The following TNIP1 variants were observed in gnomAD, a reference collection of about 807,000 sequenced individuals.
TNIP1 encodes the protein TNFAIP3-interacting protein 1.
Under a neutral mutation model 86.6 loss-of-function variants are expected in TNIP1, and 22 were observed. The observed-to-expected ratio is 0.25, with a 90% CI of 0.18 to 0.36. The LOEUF (loss-of-function observed/expected upper bound fraction) is 0.36, where lower values mean the gene tolerates loss of function less well. TNIP1 is among the 10% of genes least tolerant of loss of function. The probability of loss-of-function intolerance (pLI) is 1.00; values close to 1 mark genes in which losing one functional copy is unlikely to be tolerated. For missense variants in TNIP1, 709 were observed against 820.6 expected (o/e 0.86, Z 1.66); for synonymous variants, 294 against 313.0 (o/e 0.94, Z 0.64).
At chr5:151,048,732 TACAAGTCCCTTCC>T (rs1360476577) in intron 8 of TNIP1, among the ~76,000 whole-genome samples, 1 of 152,192 alleles carries the variant, frequency 6.6e-6, no homozygotes, top group African/African-American at 2.4e-5. Context: ...CAGCCGAGTC[TACAAGTCCCTTCC>T]ACAAGAGGGC....
At chr5:151,049,634 C>T (rs1759639261) in intron 8 of TNIP1, among the ~76,000 whole-genome samples, 190 bp downstream of exon 8, 1 of 152,150 alleles carries the variant, frequency 6.6e-6, no homozygotes, top group South Asian at 2.1e-4. Flanking sequence ...GCCCATGAAG[C>T]CACAGTGACT....
intron 5 of TNIP1, 133 bp downstream of exon 5, chr5:151,060,185 C>A: frequency 1.2e-6 from 1 of 862,346 alleles, no homozygotes; most frequent in Non-Finnish European, 1.8e-6. Context: ...TTTGCTCCTG[C>A]CCCTCGTGTA....
intron 8 of TNIP1, among the ~76,000 whole-genome samples, chr5:151,046,844 C>A (rs1759241983): frequency 1.3e-5 from 2 of 152,182 alleles, no homozygotes; most frequent in South Asian, 2.1e-4. Context: ...ACTGATAGAA[C>A]AAAATAGCTG....
intron 11 of TNIP1, among the ~76,000 whole-genome samples, chr5:151,041,899 A>T (rs1000057796): frequency 4.6e-5 from 7 of 150,956 alleles, no homozygotes. Flanking sequence ...ACTTGGCAGC[A>T]TCCCACCCCA....
chr5:151,044,943 C>G (rs1369748153), intron 9 of TNIP1, among the ~76,000 whole-genome samples: 4 of 152,326 alleles, frequency 2.6e-5, no homozygotes, highest in African/African-American at 9.6e-5. Flanking sequence ...ACCTAAAGAC[C>G]TGGCCATCGC....
intron 9 of TNIP1, among the ~76,000 whole-genome samples, chr5:151,044,847 G>C (rs1251552302): frequency 1.3e-5 from 2 of 152,152 alleles, no homozygotes; most frequent in Non-Finnish European, 2.9e-5. Context: ...TCTGCTGCGT[G>C]GCTTCTCTCT....
At chr5:151,057,430 T>C (rs1302018951) in intron 5 of TNIP1, among the ~76,000 whole-genome samples, 1 of 152,038 alleles carries the variant, frequency 6.6e-6, no homozygotes, top group African/African-American at 2.4e-5. Flanking sequence ...AAAAATCTTC[T>C]AAAAAAACAA....
chr5:151,068,181 C>T (rs771025040), intron 1 of TNIP1, among the ~76,000 whole-genome samples: 2 of 152,146 alleles, frequency 1.3e-5, no homozygotes, highest in Non-Finnish European at 2.9e-5. Flanking sequence ...TCAGAGGAGC[C>T]ACCCCTGGAG....
At chr5:151,079,951 A>G (rs1763816988) in intron 1 of TNIP1, 1 of 151,948 alleles carries the variant, frequency 6.6e-6, no homozygotes, top group African/African-American at 2.4e-5. Flanking sequence ...AAAATGATGC[A>G]TTAGGAATCT....
At chr5:151,087,256 C>G (rs912753100), upstream of TNIP1, 2 of 152,604 alleles carry the variant, frequency 1.3e-5, no homozygotes, top group African/African-American at 4.8e-5. Context: ...CCCGCAAGGC[C>G]CAGCTGAGGC....
chr5:151,081,157 G>T (rs1027635670), upstream of TNIP1: 3 of 152,136 alleles, frequency 2.0e-5, no homozygotes, highest in Non-Finnish European at 4.4e-5. Context: ...ACCGAGCGAG[G>T]TAAACACCGG....
intron 1 of TNIP1, among the ~76,000 whole-genome samples, chr5:151,066,683 A>C (rs1762272975): frequency 6.6e-6 from 1 of 152,248 alleles, no homozygotes; most frequent in East Asian, 1.9e-4. Flanking sequence ...TCTAACATGC[A>C]TACTAATCTC....
intron 6 of TNIP1, among the ~76,000 whole-genome samples, chr5:151,054,962 G>A (rs1426291550): frequency 6.6e-6 from 1 of 152,196 alleles, no homozygotes; most frequent in Admixed American, 6.5e-5. Flanking sequence ...TCCTACCCTT[G>A]CAGTCTAGAG....
chr5:151,078,042 C>T (rs551779402), intron 1 of TNIP1, among the ~76,000 whole-genome samples: 3 of 152,316 alleles, frequency 2.0e-5, no homozygotes, highest in East Asian at 3.9e-4. Context: ...ATCTGGTGCC[C>T]CCAAATTACT....
intron 11 of TNIP1, among the ~76,000 whole-genome samples, 158 bp from the exon 12 acceptor site, chr5:151,039,383 C>T (rs1344986834): frequency 6.6e-6 from 1 of 152,032 alleles, no homozygotes; most frequent in African/African-American, 2.4e-5. Flanking sequence ...AATGTCCATC[C>T]GGTCCTGCCC....
At chr5:151,059,814 AGAGAGAGAGAGAGAGTGTGTGTGTGT>A (rs1415626823) in intron 5 of TNIP1, among the ~76,000 whole-genome samples, 5 of 115,236 alleles carry the variant, frequency 4.3e-5, no homozygotes, top group African/African-American at 1.8e-4. Flanking sequence ...AGAGAGAGAG[AGAGAGAGAGAGAGAGTGTGTGTGTGT>A]GTGTGTGTGT....
At chr5:151,039,425 T>C (rs1758134935) in intron 11 of TNIP1, among the ~76,000 whole-genome samples, 200 bp from the exon 12 acceptor site, 1 of 152,054 alleles carries the variant, frequency 6.6e-6, no homozygotes, top group Non-Finnish European at 1.5e-5. Context: ...AAAATAATAA[T>C]TAAAAAAAGA....
chr5:151,031,309 T>G lies in TNIP1; in HGVS notation c.1877-562A>C, dbSNP rs540578749. ...AGCTGGCTCCATTTCTGCACAACTG[T>G]GTCCCTTAGAAAGAAAGTTCCTCTT... On this transcript the variant is annotated intron_variant, in intron 17 of 17. Coordinates refer to ENST00000521591, the MANE Select transcript of TNIP1 (RefSeq NM_006058.5). Among the ~76,000 whole-genome samples the G allele has an allele frequency of 3.3e-5, 5 of 152,346 alleles. No homozygotes were observed. In the South Asian group the frequency reaches 1.0e-3, roughly 32 times the overall value.
chr5:151,039,781 G>A (rs558144795), intron 11 of TNIP1, among the ~76,000 whole-genome samples: 2 of 152,190 alleles, frequency 1.3e-5, no homozygotes, highest in Non-Finnish European at 2.9e-5. Flanking sequence ...GAGATGACAC[G>A]CCCAGAGAGA....
Sources: allele counts gnomAD v4.1 joint callset (sites outside exome capture counted in the v4.1 genomes callset), GRCh38; gene constraint gnomAD v4.1.1; transcripts MANE v1.5; gene names NCBI Gene and HGNC (gene_info 2026-07-23, HGNC 2026-07-21).